DIAPH3: variants seen among roughly 807,000 people sequenced by gnomAD.
The protein encoded by DIAPH3 is protein diaphanous homolog 3.
In DIAPH3, 117 loss-of-function variants were observed where a neutral mutation model predicts 144.3. The ratio of observed to expected loss-of-function variants is 0.81; its 90% CI spans 0.70 to 0.95. The LOEUF is 0.95. Ranked by LOEUF, DIAPH3 falls within the 40% of genes least tolerant of loss-of-function variation. The pLI is 0.00. For synonymous variants in DIAPH3, 519 were observed against 488.9 expected, an observed-to-expected ratio of 1.06 and a Z score of -0.81; for missense variants, 1,421 against 1,412.7, an observed-to-expected ratio of 1.01 and a Z score of -0.09.
At chr13:60,081,392 T>C (rs1301832371) in intron 4 of DIAPH3, among the ~76,000 whole-genome samples, 1 of 151,982 alleles carries the variant, frequency 6.6e-6, no homozygotes, top group East Asian at 1.9e-4. Context: ...AAAAATGTCA[T>C]TATTTTCTAC....
chr13:59,734,504 T>A lies in DIAPH3; in HGVS notation c.3319+39685A>T, dbSNP rs1477588761. On this transcript the variant is annotated intron_variant, in intron 27 of 27. Transcript: ENST00000400324. ...ATCTAACTTTGCCTCTGAGGAGTCATGTCACTTCCTCTTCATGTCAATGTC... is the reference window on the plus strand; with the variant it reads ...ATCTAACTTTGCCTCTGAGGAGTCAAGTCACTTCCTCTTCATGTCAATGTC... Among the ~76,000 whole-genome samples the A allele has an allele frequency of 2.0e-5, 3 of 152,332 alleles. No homozygotes were observed. The East Asian group carries it at 5.8e-4, about 29-fold the overall frequency.
chr13:59,894,788 T>C (rs2045996370), intron 20 of DIAPH3, among the ~76,000 whole-genome samples: 1 of 151,970 alleles, frequency 6.6e-6, no homozygotes, highest in African/African-American at 2.4e-5. Context: ...ACCTTAAATC[T>C]TTTCAGAAAA....
intron 24 of DIAPH3, among the ~76,000 whole-genome samples, chr13:59,817,989 T>C (rs562224937): frequency 1.3e-5 from 2 of 152,120 alleles, no homozygotes; most frequent in Admixed American, 6.6e-5. Flanking sequence ...TATGGCTTCC[T>C]GTCTCTCAAT....
intron 22 of DIAPH3, among the ~76,000 whole-genome samples, chr13:59,843,557 G>A (rs371696970): frequency 1.5e-4 from 23 of 152,158 alleles, no homozygotes; most frequent in African/African-American, 3.9e-4. Flanking sequence ...ATCTCACCGC[G>A]TATTTTTACC....
At chr13:59,776,668 T>C (rs902651307) in intron 25 of DIAPH3, among the ~76,000 whole-genome samples, 2 of 152,122 alleles carry the variant, frequency 1.3e-5, no homozygotes, top group African/African-American at 4.8e-5. Context: ...TTGAATACTT[T>C]AATGGCATAA....
chr13:59,847,545 A>T (rs1431970007), intron 22 of DIAPH3, among the ~76,000 whole-genome samples: 1 of 152,192 alleles, frequency 6.6e-6, no homozygotes, highest in Non-Finnish European at 1.5e-5. Context: ...TACCTATAAG[A>T]TTTCAGAATT....
At chr13:59,792,091 G>A (rs932098689) in intron 25 of DIAPH3, among the ~76,000 whole-genome samples, 6 of 151,958 alleles carry the variant, frequency 3.9e-5, no homozygotes, top group East Asian at 1.9e-4. Context: ...CTTTCACCTC[G>A]TTCTCTTAAT....
intron 27 of DIAPH3, among the ~76,000 whole-genome samples, chr13:59,689,358 G>A (rs1400021258): frequency 6.6e-6 from 1 of 151,948 alleles, no homozygotes; most frequent in African/African-American, 2.4e-5. Flanking sequence ...GGAATGAGCT[G>A]GGAAAATGGG....
At chr13:59,753,667 G>T (rs1267606838) in intron 27 of DIAPH3, among the ~76,000 whole-genome samples, 1 of 152,108 alleles carries the variant, frequency 6.6e-6, no homozygotes, top group Admixed American at 6.5e-5. Flanking sequence ...CTCCAGAATA[G>T]TTGTGCCTTC....
intron 5 of DIAPH3, among the ~76,000 whole-genome samples, chr13:60,031,472 A>G (rs2054789265): frequency 6.6e-6 from 1 of 152,202 alleles, no homozygotes; most frequent in South Asian, 2.1e-4. Flanking sequence ...AAATGTGATC[A>G]TGCCTTCCTA....
chr13:59,821,193 A>G (rs947062725), intron 24 of DIAPH3, among the ~76,000 whole-genome samples: 1 of 151,978 alleles, frequency 6.6e-6, no homozygotes, highest in Non-Finnish European at 1.5e-5. Flanking sequence ...GATTAGACAA[A>G]CCTAACTTAA....
At chr13:60,135,082 C>G (rs1050881592) in intron 1 of DIAPH3, among the ~76,000 whole-genome samples, 3 of 151,822 alleles carry the variant, frequency 2.0e-5, no homozygotes, top group African/African-American at 7.3e-5. Flanking sequence ...TTACATGATG[C>G]AAAATCCAGT....
chr13:59,736,899 G>A (rs2036181625), intron 27 of DIAPH3, among the ~76,000 whole-genome samples: 2 of 152,132 alleles, frequency 1.3e-5, no homozygotes, highest in African/African-American at 4.8e-5. Context: ...CAAGCAACGG[G>A]AAAAGAATTC....
intron 27 of DIAPH3, among the ~76,000 whole-genome samples, chr13:59,747,727 G>A (rs2036778325): frequency 1.3e-5 from 2 of 152,288 alleles, no homozygotes; most frequent in East Asian, 1.9e-4. Context: ...GGGGCAATGT[G>A]TCAAATTTGA....
chr13:59,978,255 T>G (rs1011250391), intron 14 of DIAPH3, among the ~76,000 whole-genome samples: 10 of 151,850 alleles, frequency 6.6e-5, no homozygotes, highest in African/African-American at 2.4e-4. Flanking sequence ...TCGTCAAATC[T>G]TCCTTTATAT....
chr13:60,063,080 T>A (rs1164401779), intron 4 of DIAPH3, among the ~76,000 whole-genome samples: 1 of 152,250 alleles, frequency 6.6e-6, no homozygotes, highest in African/African-American at 2.4e-5. Flanking sequence ...ACTTTCAAAC[T>A]TCTTTCAAAA....
At chr13:59,706,648 C>T (rs952494229) in intron 27 of DIAPH3, among the ~76,000 whole-genome samples, 1 of 152,068 alleles carries the variant, frequency 6.6e-6, no homozygotes, top group Non-Finnish European at 1.5e-5. Context: ...TTAAAGTGTC[C>T]ATAACCCATA....
chr13:59,810,759 G>T (rs1181274485), intron 25 of DIAPH3, 29 bp downstream of exon 25: 4 of 1,608,358 alleles, frequency 2.5e-6, no homozygotes, highest in Non-Finnish European at 3.4e-6. Context: ...AGTATACATA[G>T]AATAAATAAC....
At chr13:59,927,955 T>G (rs2047834907) in intron 17 of DIAPH3, among the ~76,000 whole-genome samples, 1 of 152,204 alleles carries the variant, frequency 6.6e-6, no homozygotes, top group Non-Finnish European at 1.5e-5. Flanking sequence ...TTTCAGCTAT[T>G]ATTTCATTAA....
Sources: gnomAD v4.1 joint callset for allele counts (sites outside exome capture counted in the v4.1 genomes callset) on GRCh38, gnomAD v4.1.1 for gene constraint, MANE v1.5 for transcripts, NCBI Gene and HGNC (gene_info 2026-07-23, HGNC 2026-07-21) for gene names.